KCNT2: variants seen among roughly 807,000 people sequenced by gnomAD.
KCNT2 encodes potassium sodium-activated channel subfamily T member 2, also known as potassium channel subfamily T member 2.
KCNT2 carries 67 observed loss-of-function variants against 153.8 expected under a neutral mutation model. The ratio of observed to expected loss-of-function variants is 0.44; its 90% CI spans 0.36 to 0.53. The LOEUF (loss-of-function observed/expected upper bound fraction) is 0.53. Among genes scored for constraint, KCNT2 ranks in the 20% least tolerant of loss-of-function variants. KCNT2 has a pLI of 0.00. For missense variants in KCNT2, 975 were observed against 1,354.8 expected, an observed-to-expected ratio of 0.72 and a Z score of 4.40; for synonymous variants, 500 against 458.8, an observed-to-expected ratio of 1.09 and a Z score of -1.15.
chr1:196,553,363 C>T (rs1471084862), intron 1 of KCNT2, among the ~76,000 whole-genome samples: 2 of 151,030 alleles, frequency 1.3e-5, no homozygotes, highest in Admixed American at 1.3e-4. Context: ...ATATAATGCA[C>T]CCAACACTGG....
intron 1 of KCNT2, among the ~76,000 whole-genome samples, chr1:196,596,056 G>GTATATATATATATATA (rs1174131733): frequency 0.011 from 45 of 4,228 alleles, 2 homozygotes; most frequent in Admixed American, 0.019. Context: ...TCCATGATGT[G>GTATATATATATATATA]TATATATATA....
At chr1:196,581,622 G>T (rs539050212) in intron 1 of KCNT2, among the ~76,000 whole-genome samples, 1 of 152,070 alleles carries the variant, frequency 6.6e-6, no homozygotes, top group African/African-American at 2.4e-5. Flanking sequence ...GTATCCTAAG[G>T]AGATGGGGGA....
At chr1:196,424,972 A>G (rs1673527923) in intron 11 of KCNT2, among the ~76,000 whole-genome samples, 1 of 151,940 alleles carries the variant, frequency 6.6e-6, no homozygotes, top group Non-Finnish European at 1.5e-5. Context: ...AAGAAAAAAA[A>G]AAGTATAAAG....
intron 1 of KCNT2, among the ~76,000 whole-genome samples, chr1:196,559,627 T>C (rs980716128): frequency 4.0e-5 from 6 of 151,840 alleles, no homozygotes; most frequent in African/African-American, 1.4e-4. Flanking sequence ...AAAGTTTCTA[T>C]TTTACTATAT....
At chr1:196,501,174 CA>C (rs1425507318) in intron 1 of KCNT2, among the ~76,000 whole-genome samples, 2 of 152,142 alleles carry the variant, frequency 1.3e-5, no homozygotes, top group Non-Finnish European at 2.9e-5. Flanking sequence ...ATCAAACTAC[CA>C]TTCAATTCAG....
At chr1:196,417,042 T>C (rs1361728431) in intron 12 of KCNT2, among the ~76,000 whole-genome samples, 1 of 152,052 alleles carries the variant, frequency 6.6e-6, no homozygotes, top group Non-Finnish European at 1.5e-5. Context: ...TTATTTCACT[T>C]AACGTAAGTA....
intron 19 of KCNT2, among the ~76,000 whole-genome samples, chr1:196,326,262 G>A (rs1339423075): frequency 6.6e-6 from 1 of 151,946 alleles, no homozygotes; most frequent in Non-Finnish European, 1.5e-5. Flanking sequence ...TTTAACAGTG[G>A]TCCAGTCATA....
intron 7 of KCNT2, 83 bp downstream of exon 7, chr1:196,467,620 C>T (rs1677736601): frequency 7.3e-6 from 6 of 823,608 alleles, no homozygotes; most frequent in South Asian, 2.1e-5. Context: ...ATCCCAAATT[C>T]TCTCTCTCTG....
chr1:196,538,145 G>GACTC (rs1356411354), intron 1 of KCNT2, among the ~76,000 whole-genome samples: 1 of 152,082 alleles, frequency 6.6e-6, no homozygotes, highest in African/African-American at 2.4e-5. Flanking sequence ...TGCCAGCAAA[G>GACTC]ACTCATTCCT....
intron 1 of KCNT2, among the ~76,000 whole-genome samples, chr1:196,495,398 C>A (rs566424980): frequency 1.3e-5 from 2 of 152,016 alleles, no homozygotes; most frequent in African/African-American, 4.8e-5. Flanking sequence ...TAGTGGTTAC[C>A]CTTCCCAAAG....
chr1:196,566,601 A>G (rs1660142401), intron 1 of KCNT2, among the ~76,000 whole-genome samples: 1 of 152,062 alleles, frequency 6.6e-6, no homozygotes, highest in African/African-American at 2.4e-5. Flanking sequence ...GAGAGAATGG[A>G]CAAAAAGGAA....
intron 1 of KCNT2, among the ~76,000 whole-genome samples, chr1:196,514,548 A>C (rs1006743308): frequency 1.3e-5 from 2 of 152,172 alleles, no homozygotes; most frequent in Non-Finnish European, 2.9e-5. Flanking sequence ...CAAAAATTAC[A>C]GTTAAAATGC....
In KCNT2 at chr1:196,327,861, T is replaced by C. The variant is rs77945306; in HGVS notation, c.2104-972A>G. On this transcript the variant is annotated intron_variant, in intron 18 of 27. Transcript: ENST00000294725. ...TTTTTGTATTTTTGTAGATACGGGG[T>C]CCTGGGCTCAAGCAATCCACCCACC... is the stretch of plus-strand genomic sequence containing the variant. Among the ~76,000 whole-genome samples the C allele has an allele frequency of 2.7e-3, 417 of 151,718 alleles. 3 individuals are homozygous for C. The highest frequency in any genetic ancestry group is 9.8e-3 in the African/African-American group (403 of 41,328).
intron 1 of KCNT2, among the ~76,000 whole-genome samples, chr1:196,590,750 C>T (rs1663242735): frequency 6.6e-6 from 1 of 152,152 alleles, no homozygotes; most frequent in South Asian, 2.1e-4. Flanking sequence ...AAATCGAGTT[C>T]ACCTCAACCA....
intron 8 of KCNT2, among the ~76,000 whole-genome samples, chr1:196,452,093 A>G (rs1035116373): frequency 1.1e-4 from 16 of 151,928 alleles, no homozygotes; most frequent in Non-Finnish European, 1.9e-4. Context: ...ATCCCTCTAT[A>G]ACTTCCCTTG....
Position 196,340,406 on chromosome 1 carries a change from T to G in KCNT2, c.1718A>C (p.Asn573Thr), listed in dbSNP as rs1272949678. 2 of 1,613,038 alleles carry G rather than the reference T, an allele frequency of 1.2e-6. No individual in the cohort carries two copies. Reference sequence around the variant, plus strand: ...TCCATGATAAAACGACCTGGACACATTGCTTTTTCTCTGCTGGTCTTGGTT... The same window carrying G: ...TCCATGATAAAACGACCTGGACACAGTGCTTTTTCTCTGCTGGTCTTGGTT... ...FKNQDQQRKS[N>T]VSRSFYHGPS... is the part of the protein sequence containing the mutation. Residue 573 changes from asparagine (N) to threonine (T), a missense_variant, in exon 16 of 28, where the codon AAT (asparagine) becomes ACT (threonine). Around this residue, in one of 6 missense-constraint regions of KCNT2, gnomAD observed 325 missense variants for 388.1 expected, o/e 0.84. Coordinates refer to ENST00000294725, the MANE Select transcript of KCNT2 (RefSeq NM_198503.5).
chr1:196,589,238 T>G (rs966021579), intron 1 of KCNT2, among the ~76,000 whole-genome samples: 1 of 137,842 alleles, frequency 7.3e-6, no homozygotes, highest in Non-Finnish European at 1.6e-5. Context: ...AACATAATCC[T>G]TAAAGTCACT....
chr1:196,564,044 T>C (rs1357430513), intron 1 of KCNT2, among the ~76,000 whole-genome samples: 2 of 151,866 alleles, frequency 1.3e-5, no homozygotes, highest in Non-Finnish European at 2.9e-5. Context: ...AAGTCATCCA[T>C]ATTAGAAAGA....
intron 4 of KCNT2, among the ~76,000 whole-genome samples, chr1:196,479,537 A>G (rs1283499812): frequency 6.6e-6 from 1 of 152,186 alleles, no homozygotes; most frequent in Non-Finnish European, 1.5e-5. Context: ...AGTTTACATG[A>G]TATATAAAGA....
Sources: gnomAD v4.1 joint callset for allele counts (sites outside exome capture counted in the v4.1 genomes callset) on GRCh38, gnomAD v4.1.1 for gene constraint, gnomAD v4.1.1 regional missense constraint, MANE v1.5 for transcripts, NCBI Gene and HGNC (gene_info 2026-07-23, HGNC 2026-07-21) for gene names.